The following GSTA5 variants were observed in gnomAD, a reference collection of about 807,000 sequenced individuals.
GSTA5 encodes the protein glutathione S-transferase A5.
A neutral mutation model predicts 21.8 loss-of-function variants in GSTA5; 25 were observed. That is an observed-to-expected ratio of 1.14 (90% CI 0.83 to 1.60). The LOEUF (loss-of-function observed/expected upper bound fraction) is 1.60, where lower values mean the gene tolerates loss of function less well. GSTA5 is among the 40% of genes most tolerant of loss of function. The pLI, the probability that GSTA5 is intolerant of heterozygous loss-of-function variation, is 0.00. For synonymous variants in GSTA5, 102 were observed against 89.5 expected (o/e 1.14, Z -0.78); for missense variants, 330 against 259.2 (o/e 1.27, Z -1.88).
upstream of GSTA5, among the ~76,000 whole-genome samples, chr6:52,842,926 G>C (rs551917879): frequency 1.3e-5 from 2 of 151,986 alleles, no homozygotes; most frequent in African/African-American, 2.4e-5. Context: ...TATAGGTCCC[G>C]GTGTGTGATG....
chr6:52,844,766 A>G (rs1764430762), upstream of GSTA5, among the ~76,000 whole-genome samples: 1 of 152,120 alleles, frequency 6.6e-6, no homozygotes, highest in African/African-American at 2.4e-5. Flanking sequence ...CATAGTAGGA[A>G]CTCAGCAATG....
Position 52,837,555 on chromosome 6 carries a change from T to C in GSTA5, c.139+3A>G. On this transcript the variant is annotated splice_donor_region_variant and intron_variant, in intron 2 of 5. Transcript: ENST00000370989. ...ATCAGAGTTACTTAGAGATTGATCTTACCATTTCTTAACTTGTCCAAATCT... is the reference window on the plus strand; with the variant it reads ...ATCAGAGTTACTTAGAGATTGATCTCACCATTTCTTAACTTGTCCAAATCT... 6.3e-7 allele frequency: 1 copy of C among 1,595,114 alleles called. No homozygotes were observed. The highest frequency in any genetic ancestry group is 8.6e-7 in the Non-Finnish European group (1 of 1,163,204).
upstream of GSTA5, among the ~76,000 whole-genome samples, chr6:52,844,054 A>G: frequency 6.6e-6 from 1 of 152,054 alleles, no homozygotes; most frequent in South Asian, 2.1e-4. Context: ...CTCCTCATTC[A>G]TGGTCAATAT....
At chr6:52,832,863 A>T in exon 5 of GSTA5, 3 of 1,613,912 alleles carry the variant, frequency 1.9e-6, no homozygotes, top group Non-Finnish European at 2.5e-6. Context: ...GGTCACCTTC[A>T]GCAGAGGGAA....
At position 52,834,477 on chromosome 6, in the gene GSTA5, A is replaced by G. The variant is rs1764265777; in HGVS notation, c.273-195T>C. ...ATGTTCTGATTTTTACAGGTATATT[A>G]ACATTTATTTCCTAAAACAACCTAT... On this transcript the variant is annotated intron_variant, in intron 3 of 5. Transcript: ENST00000370989. Among the ~76,000 whole-genome samples the G allele has an allele frequency of 2.0e-5, 3 of 152,182 alleles. No individual in the cohort carries two copies. The South Asian group carries it at 6.2e-4, about 31-fold the overall frequency.
At chr6:52,843,203 A>G (rs1461131836), upstream of GSTA5, among the ~76,000 whole-genome samples, 1 of 152,230 alleles carries the variant, frequency 6.6e-6, no homozygotes, top group East Asian at 1.9e-4. Flanking sequence ...ACAGGGCCGC[A>G]GTAAACATAC....
At chr6:52,839,096 A>T (rs1246631546) in intron 1 of GSTA5, among the ~76,000 whole-genome samples, 2 of 151,940 alleles carry the variant, frequency 1.3e-5, no homozygotes, top group African/African-American at 2.4e-5. Context: ...GCAATTAATA[A>T]GGCATCCAGT....
At chr6:52,840,169 A>T (rs559930455) in intron 1 of GSTA5, among the ~76,000 whole-genome samples, 12 of 152,352 alleles carry the variant, frequency 7.9e-5, no homozygotes, top group African/African-American at 2.9e-4. Context: ...CATGAATAAA[A>T]ATAAACAGAA....
upstream of GSTA5, among the ~76,000 whole-genome samples, chr6:52,841,321 C>G (rs573168122): frequency 7.1e-4 from 108 of 152,286 alleles, 1 homozygote; most frequent in South Asian, 2.1e-3. Context: ...AATATCTACA[C>G]CAAGGACTAA....
chr6:52,838,757 A>G (rs1289559188), intron 1 of GSTA5, among the ~76,000 whole-genome samples: 3 of 152,238 alleles, frequency 2.0e-5, no homozygotes, highest in Admixed American at 1.3e-4. Flanking sequence ...TCTGGTTCCA[A>G]TCTTGACTCT....
chr6:52,833,120 G>A, intron 4 of GSTA5, 130 bp from the exon 5 acceptor site: 2 of 1,027,400 alleles, frequency 1.9e-6, no homozygotes, highest in Non-Finnish European at 3.0e-6. Context: ...GAAATCCCAA[G>A]CTTTCTCCAC....
At chr6:52,842,451 G>A (rs1173019855), upstream of GSTA5, among the ~76,000 whole-genome samples, 6 of 121,284 alleles carry the variant, frequency 4.9e-5, no homozygotes, top group African/African-American at 1.9e-4. Context: ...TTTTTTCCCA[G>A]GCTAGAGTGC....
chr6:52,838,976 G>A lies in GSTA5; in HGVS notation c.88-1367C>T, dbSNP rs114658290. ...ATTATACTTTAATGGAGTTCTTTAT[G>A]GTGAAAGATCAGGAATTTGGGGGTT... On this transcript the variant is annotated intron_variant, in intron 1 of 5. Transcript: ENST00000370989. 4.2e-3 allele frequency among the ~76,000 whole-genome samples: 647 copies of A among 152,328 alleles called. 3 individuals carry two copies. Among genetic ancestry groups the A allele is most frequent in the African/African-American group, 0.015 (615 of 41,562 alleles).
upstream of GSTA5, chr6:52,840,902 G>T: frequency 2.5e-6 from 3 of 1,193,722 alleles, no homozygotes; most frequent in Non-Finnish European, 3.6e-6. Context: ...TAGGATGTGT[G>T]GTTGAAAACC....
exon 5 of GSTA5, chr6:52,832,885 G>T: frequency 6.2e-7 from 1 of 1,614,040 alleles, no homozygotes; most frequent in Non-Finnish European, 8.5e-7. Flanking sequence ...CTGGAGATAA[G>T]ACTCGAGTCA....
At chr6:52,843,956 G>A (rs112255536), upstream of GSTA5, among the ~76,000 whole-genome samples, 562 of 152,300 alleles carry the variant, frequency 3.7e-3, 5 homozygotes, top group African/African-American at 0.013. Context: ...GGCTAAGACT[G>A]GGGCAGAGGT....
chr6:52,840,134 AT>A (rs1325798058), intron 1 of GSTA5, among the ~76,000 whole-genome samples: 1 of 152,298 alleles, frequency 6.6e-6, no homozygotes, highest in South Asian at 2.1e-4. Flanking sequence ...ACGTATTTTC[AT>A]TTTTTTGTTG....
chr6:52,835,228 G>T (rs1362384800), intron 3 of GSTA5, among the ~76,000 whole-genome samples: 1 of 152,092 alleles, frequency 6.6e-6, no homozygotes, highest in African/African-American at 2.4e-5. Context: ...TACCTCTATG[G>T]ATTTGAATAT....
intron 3 of GSTA5, among the ~76,000 whole-genome samples, chr6:52,835,975 G>T (rs1274583536): frequency 6.6e-6 from 1 of 152,044 alleles, no homozygotes; most frequent in Non-Finnish European, 1.5e-5. Context: ...CAGTTCATAG[G>T]GTTTATGAGT....
Sources: gnomAD v4.1 joint callset for allele counts (sites outside exome capture counted in the v4.1 genomes callset) on GRCh38, gnomAD v4.1.1 for gene constraint, MANE v1.5 for transcripts, NCBI Gene and HGNC (gene_info 2026-07-23, HGNC 2026-07-21) for gene names.